The following MTHFD2L variants were observed in gnomAD, a reference collection of about 807,000 sequenced individuals.
The protein encoded by MTHFD2L is methylenetetrahydrofolate dehydrogenase (NADP+ dependent) 2 like.
MTHFD2L carries 29 observed loss-of-function variants against 34.9 expected under a neutral mutation model. That is an observed-to-expected ratio of 0.83 (90% CI 0.62 to 1.13). The LOEUF (loss-of-function observed/expected upper bound fraction) is 1.13, where lower values mean the gene tolerates loss of function less well. MTHFD2L is among the 50% of genes most tolerant of loss of function. The pLI, the probability that MTHFD2L is intolerant of heterozygous loss-of-function variation, is 0.00. For synonymous variants in MTHFD2L, 167 were observed against 155.7 expected, an observed-to-expected ratio of 1.07 and a Z score of -0.54; for missense variants, 481 against 446.5, an observed-to-expected ratio of 1.08 and a Z score of -0.70.
intron 6 of MTHFD2L, among the ~76,000 whole-genome samples, chr4:74,280,941 A>G (rs1747376609): frequency 6.6e-6 from 1 of 152,002 alleles, no homozygotes; most frequent in South Asian, 2.1e-4. Context: ...CCTGGGGAAT[A>G]TGAATTATTA....
intron 1 of MTHFD2L, 113 bp from the exon 2 acceptor site, chr4:74,174,393 A>C: frequency 1.2e-6 from 1 of 810,960 alleles, no homozygotes; most frequent in Non-Finnish European, 1.7e-6. Context: ...AAAAAAAATC[A>C]AATTTTGGGT....
chr4:74,121,531 A>C (rs1343110585), upstream of MTHFD2L, among the ~76,000 whole-genome samples: 1 of 149,906 alleles, frequency 6.7e-6, no homozygotes, highest in Non-Finnish European at 1.5e-5. Flanking sequence ...ATCTAGTTGC[A>C]GGAAAACAAG....
At position 74,199,387 on chromosome 4, in the gene MTHFD2L, A is replaced by G. The variant is rs142052902; in HGVS notation, c.452-407A>G. Among the ~76,000 whole-genome samples the G allele has an allele frequency of 5.4e-3, 827 of 152,242 alleles. 12 individuals are homozygous for G. The highest frequency in any genetic ancestry group is 0.019 in the African/African-American group (800 of 41,530). ...ACTAACAAACCCCTTTTAATCTCCA[A>G]TATTCGAAGTATTTAATAGAAGCCT... On this transcript the variant is annotated intron_variant, in intron 3 of 7. Transcript: ENST00000325278.
chr4:74,270,518 A>G (rs891553242), intron 6 of MTHFD2L, among the ~76,000 whole-genome samples: 9 of 152,102 alleles, frequency 5.9e-5, no homozygotes, highest in South Asian at 2.1e-4. Context: ...TTTTATGGCT[A>G]CATAGTATTC....
At chr4:74,281,748 C>T (rs551970351) in intron 7 of MTHFD2L, among the ~76,000 whole-genome samples, 198 bp downstream of exon 7, 2 of 152,122 alleles carry the variant, frequency 1.3e-5, no homozygotes, top group South Asian at 2.1e-4. Flanking sequence ...TTTCATCCTT[C>T]CTTTCTTCCT....
At chr4:74,188,943 A>G (rs935586187) in intron 3 of MTHFD2L, among the ~76,000 whole-genome samples, 3 of 151,964 alleles carry the variant, frequency 2.0e-5, no homozygotes, top group African/African-American at 7.2e-5. Flanking sequence ...AGAAATAGAA[A>G]AAATACAATA....
At chr4:74,139,754 C>A (rs574222391) in intron 1 of MTHFD2L, among the ~76,000 whole-genome samples, 107 of 151,578 alleles carry the variant, frequency 7.1e-4, no homozygotes, top group African/African-American at 2.3e-3. Flanking sequence ...TGCTGCACTC[C>A]CCCAATTTTG....
chr4:74,266,842 C>T, intron 6 of MTHFD2L: 1 of 985,120 alleles, frequency 1.0e-6, no homozygotes, highest in Non-Finnish European at 1.2e-6. Context: ...TCTAAGACTG[C>T]ATAAGAGGGG....
chr4:74,120,262 A>C (rs940843282), upstream of MTHFD2L, among the ~76,000 whole-genome samples: 1 of 152,216 alleles, frequency 6.6e-6, no homozygotes, highest in Non-Finnish European at 1.5e-5. Flanking sequence ...ATGTTGAGGT[A>C]CAATTGTTAC....
chr4:74,159,578 T>G (rs1724957735), intron 1 of MTHFD2L, among the ~76,000 whole-genome samples: 1 of 152,228 alleles, frequency 6.6e-6, no homozygotes, highest in African/African-American at 2.4e-5. Context: ...TCTCCCCATC[T>G]TCTCCATGAC....
At chr4:74,257,974 G>T (rs190264251) in intron 6 of MTHFD2L, among the ~76,000 whole-genome samples, 1 of 152,044 alleles carries the variant, frequency 6.6e-6, no homozygotes, top group East Asian at 1.9e-4. Context: ...TGGCCATTGG[G>T]TATATGAAAA....
chr4:74,218,334 G>A (rs1737553600), intron 5 of MTHFD2L, among the ~76,000 whole-genome samples: 1 of 152,044 alleles, frequency 6.6e-6, no homozygotes, highest in South Asian at 2.1e-4. Flanking sequence ...TTGAAAGCTG[G>A]CACATGGACA....
At chr4:74,148,460 T>C (rs1723741256) in intron 1 of MTHFD2L, among the ~76,000 whole-genome samples, 1 of 151,756 alleles carries the variant, frequency 6.6e-6, no homozygotes, top group Non-Finnish European at 1.5e-5. Context: ...TGGTTTCTGC[T>C]TACTGCAACC....
At chr4:74,189,485 C>CT (rs55665552) in intron 3 of MTHFD2L, among the ~76,000 whole-genome samples, 61 of 119,790 alleles carry the variant, frequency 5.1e-4, no homozygotes, top group African/African-American at 2.1e-3. Context: ...GTTTTTCTTC[C>CT]TTTTTTTTTT....
intron 5 of MTHFD2L, among the ~76,000 whole-genome samples, chr4:74,209,202 CAA>C (rs2110078251): frequency 6.6e-6 from 1 of 152,120 alleles, no homozygotes; most frequent in East Asian, 1.9e-4. Flanking sequence ...CAAAACAAAA[CAA>C]GAAAAACGTT....
chr4:74,225,694 G>A (rs890239227), intron 6 of MTHFD2L, among the ~76,000 whole-genome samples: 4 of 152,114 alleles, frequency 2.6e-5, no homozygotes, highest in African/African-American at 9.7e-5. Flanking sequence ...AAAAAGGTTG[G>A]TGCAGGTAAA....
chr4:74,144,668 A>G (rs1347485596), intron 1 of MTHFD2L, among the ~76,000 whole-genome samples: 1 of 151,526 alleles, frequency 6.6e-6, no homozygotes, highest in Non-Finnish European at 1.5e-5. Context: ...TTTGGTTTCC[A>G]CCTCCCCACT....
At chr4:74,156,450 A>G (rs1026795526), upstream of MTHFD2L, 3 of 152,160 alleles carry the variant, frequency 2.0e-5, no homozygotes, top group Admixed American at 1.3e-4. Flanking sequence ...ATCCCATTGT[A>G]TGAATATTTC....
chr4:74,146,085 A>G (rs1349752095), intron 1 of MTHFD2L, among the ~76,000 whole-genome samples: 1 of 152,266 alleles, frequency 6.6e-6, no homozygotes, highest in East Asian at 1.9e-4. Flanking sequence ...AAAATGGTTA[A>G]TAAACAGAGA....
Sources: gnomAD v4.1 joint callset for allele counts (sites outside exome capture counted in the v4.1 genomes callset) on GRCh38, gnomAD v4.1.1 for gene constraint, MANE v1.5 for transcripts, NCBI Gene and HGNC (gene_info 2026-07-23, HGNC 2026-07-21) for gene names.